NTM: variants seen among roughly 807,000 people sequenced by gnomAD.
The protein encoded by NTM is neurotrimin.
A neutral mutation model predicts 42.1 loss-of-function variants in NTM; 13 were observed. The ratio of observed to expected loss-of-function variants is 0.31; its 90% confidence interval spans 0.20 to 0.49. NTM has a LOEUF of 0.49. Among genes scored for constraint, NTM ranks in the 20% least tolerant of loss-of-function variants. The probability of loss-of-function intolerance (pLI) is 0.99; values close to 1 mark genes in which losing one functional copy is unlikely to be tolerated. For synonymous variants in NTM, 187 were observed against 179.2 expected, an observed-to-expected ratio of 1.04 and a Z score of -0.35; for missense variants, 373 against 452.8, an observed-to-expected ratio of 0.82 and a Z score of 1.60.
chr11:131,724,328 G>C (rs2078707550), intron 1 of NTM, among the ~76,000 whole-genome samples: 2 of 152,094 alleles, frequency 1.3e-5, no homozygotes, highest in Admixed American at 1.3e-4. Flanking sequence ...CAAATGAAAG[G>C]CTTTGAATCA....
chr11:131,936,819 A>G (rs2059272718), intron 2 of NTM, among the ~76,000 whole-genome samples: 4 of 152,308 alleles, frequency 2.6e-5, no homozygotes, highest in East Asian at 3.9e-4. Context: ...AGGGTTATCA[A>G]TCACTTACTA....
intron 7 of NTM, among the ~76,000 whole-genome samples, chr11:132,320,062 G>A (rs1314907934): frequency 7.9e-5 from 12 of 152,308 alleles, no homozygotes; most frequent in African/African-American, 2.2e-4. Context: ...GGTCCTGTCT[G>A]TTACAAGGAA....
At chr11:132,147,874 T>C (rs987381401) in intron 3 of NTM, among the ~76,000 whole-genome samples, 15 of 152,082 alleles carry the variant, frequency 9.9e-5, no homozygotes, top group Admixed American at 9.8e-4. Context: ...AGAACTGAAG[T>C]GAGCCGGAAG....
chr11:131,482,051 C>T (rs749768422), intron 1 of NTM, among the ~76,000 whole-genome samples: 28 of 152,194 alleles, frequency 1.8e-4, no homozygotes, highest in Non-Finnish European at 3.2e-4. Context: ...TTTGAGAAGG[C>T]GGTATATAAT....
At chr11:131,795,692 A>T (rs2091473925) in intron 1 of NTM, 1 of 985,270 alleles carries the variant, frequency 1.0e-6, no homozygotes, top group African/African-American at 1.7e-5. Context: ...GCAGATATTT[A>T]CGGCATTTTC....
At chr11:132,161,633 C>A (rs1566338802) in intron 3 of NTM, among the ~76,000 whole-genome samples, 1 of 152,020 alleles carries the variant, frequency 6.6e-6, no homozygotes, top group Non-Finnish European at 1.5e-5. Flanking sequence ...CCCCAACTTT[C>A]TTTGCTTCCT....
chr11:131,648,099 G>A (rs2658880), intron 1 of NTM, among the ~76,000 whole-genome samples: 128,787 of 152,144 alleles, frequency 0.85, 54,612 homozygotes, highest in East Asian at 0.91. Context: ...ATAAGTGAGA[G>A]CATGTGGTAT....
intron 2 of NTM, among the ~76,000 whole-genome samples, chr11:131,971,366 G>GT (rs2134690060): frequency 6.6e-6 from 1 of 152,070 alleles, no homozygotes; most frequent in South Asian, 2.1e-4. Context: ...TTTCTTATGT[G>GT]TATTACCGAT....
intron 1 of NTM, among the ~76,000 whole-genome samples, chr11:131,405,682 C>T (rs1205477368): frequency 6.6e-6 from 1 of 152,144 alleles, no homozygotes; most frequent in East Asian, 1.9e-4. Context: ...AAACAGTAAC[C>T]TACATACTTT....
intron 1 of NTM, 170 bp downstream of exon 1, chr11:131,371,058 T>C (rs1941102344): frequency 1.0e-6 from 1 of 985,282 alleles, no homozygotes; most frequent in African/African-American, 1.7e-5. Context: ...TGTGAGAATA[T>C]TGATTTGATT....
intron 2 of NTM, among the ~76,000 whole-genome samples, chr11:132,007,737 G>A (rs1459750838): frequency 3.9e-5 from 6 of 152,040 alleles, no homozygotes; most frequent in Admixed American, 2.6e-4. Context: ...TATGAGTTTG[G>A]GGCACATCAT....
At chr11:131,579,593 G>T (rs1028892628) in intron 1 of NTM, among the ~76,000 whole-genome samples, 2 of 152,166 alleles carry the variant, frequency 1.3e-5, no homozygotes, top group Non-Finnish European at 2.9e-5. Flanking sequence ...TCCATGCATG[G>T]GAGGAAGACC....
intron 3 of NTM, among the ~76,000 whole-genome samples, chr11:132,160,710 AG>A (rs2074094524): frequency 6.6e-6 from 1 of 152,218 alleles, no homozygotes; most frequent in South Asian, 2.1e-4. Context: ...GAAGAAGCCC[AG>A]GGACTTTGGA....
At chr11:131,500,855 T>C (rs1226502471) in intron 1 of NTM, among the ~76,000 whole-genome samples, 1 of 150,698 alleles carries the variant, frequency 6.6e-6, no homozygotes, top group African/African-American at 2.4e-5. Flanking sequence ...TTTTTGTCCT[T>C]GTGATAGCTT....
At chr11:132,263,200 C>T (rs938233812) in intron 4 of NTM, among the ~76,000 whole-genome samples, 3 of 152,242 alleles carry the variant, frequency 2.0e-5, no homozygotes, top group Admixed American at 1.3e-4. Flanking sequence ...TGGGCAGCTC[C>T]AACCCCAAGG....
chr11:131,636,135 C>T (rs573449613), intron 1 of NTM, among the ~76,000 whole-genome samples: 116 of 152,246 alleles, frequency 7.6e-4, no homozygotes, highest in African/African-American at 2.7e-3. Flanking sequence ...TCCATTTCTG[C>T]ACGCCTATGG....
intron 1 of NTM, chr11:131,663,473 C>T (rs2068456051): frequency 6.6e-6 from 1 of 152,446 alleles, no homozygotes; most frequent in Non-Finnish European, 1.5e-5. Context: ...GCCTCTGGTC[C>T]TGAGGCCTTC....
At chr11:132,314,879 CAG>C in intron 7 of NTM, 176 bp downstream of exon 7, 1 of 1,361,114 alleles carries the variant, frequency 7.3e-7, no homozygotes, top group Non-Finnish European at 9.4e-7. Context: ...GACAGAGAGA[CAG>C]GGAGGAGGCA....
chr11:132,254,225 C>T (rs534459391), intron 4 of NTM, among the ~76,000 whole-genome samples: 1 of 152,206 alleles, frequency 6.6e-6, no homozygotes, highest in Admixed American at 6.5e-5. Context: ...GACCTTATCT[C>T]CTGCCTGCCC....
Sources: allele counts gnomAD v4.1 joint callset (sites outside exome capture counted in the v4.1 genomes callset), GRCh38; gene constraint gnomAD v4.1.1; transcripts MANE v1.5; gene names NCBI Gene and HGNC (gene_info 2026-07-23, HGNC 2026-07-21).